UBAP1: variants seen among roughly 807,000 people sequenced by gnomAD.
UBAP1 encodes ubiquitin associated protein 1.
UBAP1 carries 5 observed loss-of-function variants against 39.0 expected under a neutral mutation model. The observed-to-expected ratio is 0.13, with a 90% CI of 0.07 to 0.27. The LOEUF (loss-of-function observed/expected upper bound fraction) is 0.27. Ranked by LOEUF, UBAP1 falls within the 10% of genes least tolerant of loss-of-function variation. The pLI is 1.00. For synonymous variants in UBAP1, 211 were observed against 225.1 expected (o/e 0.94, Z 0.56); for missense variants, 490 against 608.1 (o/e 0.81, Z 2.04).
chr9:34,222,187 G>A (rs1412591311), intron 2 of UBAP1, among the ~76,000 whole-genome samples: 3 of 152,136 alleles, frequency 2.0e-5, no homozygotes, highest in African/African-American at 4.8e-5. Context: ...GCCTGGGGAC[G>A]TGTTGGTATG....
intron 1 of UBAP1, among the ~76,000 whole-genome samples, chr9:34,184,421 G>A (rs916075503): frequency 6.6e-6 from 1 of 151,092 alleles, no homozygotes; most frequent in Non-Finnish European, 1.5e-5. Context: ...CACAAGGTCA[G>A]GAGATCGAGA....
chr9:34,250,730 C>T lies in UBAP1; in HGVS notation c.1339C>T (p.Leu447=). The change falls in exon 6 of 7, where the codon CTG becomes TTG. Residue 447 remains leucine (L), a synonymous_variant. Transcript: ENST00000297661. Reference sequence around the variant, plus strand: ...CGACCCTCTTTTAGTGGAAGAGGCTCTGGAAATGCACCAGTGTTCAGAAGA... The same window carrying T: ...CGACCCTCTTTTAGTGGAAGAGGCTTTGGAAATGCACCAGTGTTCAGAAGA... The part of the protein sequence containing the change: ...GFDPLLVEEA[L]EMHQCSEEKM... 1 of 1,613,670 alleles carries T rather than the reference C, an allele frequency of 6.2e-7. No individual in the cohort carries two copies. The highest frequency in any genetic ancestry group is 8.5e-7 in the Non-Finnish European group (1 of 1,179,654).
chr9:34,210,230 G>A (rs778766229), intron 1 of UBAP1, among the ~76,000 whole-genome samples: 2 of 152,038 alleles, frequency 1.3e-5, no homozygotes, highest in Non-Finnish European at 2.9e-5. Context: ...GATGTGCAGC[G>A]GACAGTAATA....
At chr9:34,220,671 G>A (rs1832710119) in intron 1 of UBAP1, among the ~76,000 whole-genome samples, 1 of 151,808 alleles carries the variant, frequency 6.6e-6, no homozygotes, top group Non-Finnish European at 1.5e-5. Flanking sequence ...GTCTCACTAT[G>A]TTGCTGGTCT....
At chr9:34,242,243 C>T in intron 4 of UBAP1, 135 bp downstream of exon 4, 9 of 947,538 alleles carry the variant, frequency 9.5e-6, no homozygotes, top group African/African-American at 1.6e-5. Context: ...GTGGTGTGAT[C>T]GTACCTTATT....
At chr9:34,220,972 G>T (rs781306642) in intron 2 of UBAP1, 24 bp downstream of exon 2, 43 of 1,604,672 alleles carry the variant, frequency 2.7e-5, no homozygotes, top group Non-Finnish European at 3.6e-5. Flanking sequence ...TAGAATCATG[G>T]TTTAAGTTAT....
chr9:34,208,946 A>G (rs558315164), intron 1 of UBAP1, among the ~76,000 whole-genome samples: 2 of 150,730 alleles, frequency 1.3e-5, no homozygotes, highest in Admixed American at 6.6e-5. Flanking sequence ...TTTTAGTTCT[A>G]TTTTTTGAGG....
Position 34,241,567 on chromosome 9 carries a change from G to A in UBAP1, c.542G>A (p.Arg181Lys). Reference sequence around the variant, plus strand: ...ACTATTGATGAGAAGGAAGAGCTGAGAAATATTCTGGTAGGAACCACTGGA... The same window carrying A: ...ACTATTGATGAGAAGGAAGAGCTGAAAAATATTCTGGTAGGAACCACTGGA... ...LKTIDEKEELRNILVGTTGPI... is the reference protein window; with the variant it reads ...LKTIDEKEELKNILVGTTGPI... Residue 181 changes from arginine to lysine, a missense_variant, in exon 4 of 7, where the codon AGA becomes AAA. This residue lies in a region of UBAP1 where 339 missense variants were observed against 390.0 expected (regional missense o/e 0.87). Coordinates refer to ENST00000297661, the MANE Select transcript of UBAP1 (RefSeq NM_016525.5). The A allele has an allele frequency of 6.2e-7, 1 of 1,614,158 alleles. No individual in the cohort carries two copies. The highest frequency in any genetic ancestry group is 8.5e-7 in the Non-Finnish European group (1 of 1,180,032).
In UBAP1 at chr9:34,218,250, C is replaced by CAAA. The variant is rs758443973; in HGVS notation, c.-7-2616_-7-2614dup. On this transcript the variant is annotated intron_variant, in intron 1 of 6. Coordinates refer to ENST00000297661, the MANE Select transcript of UBAP1 (RefSeq NM_016525.5). ...CTGGTGACAGAGCGAGACTCCATCT[C>CAAA]AAAAAAAAAAAAAAAAAAAAAAAAA... Among the ~76,000 whole-genome samples, 16 of 49,520 alleles carry CAAA rather than the reference C, an allele frequency of 3.2e-4. 1 individual carries two copies. Among genetic ancestry groups the CAAA allele is most frequent in the African/African-American group, 7.5e-4 (8 of 10,620 alleles). The allele number at this position is 49,520 out of a possible 152,430, so 32.5% of individuals were successfully genotyped here.
Position 34,250,712 on chromosome 9 carries a change from C to T in UBAP1, c.1321C>T (p.Leu441Phe), listed in dbSNP as rs568545765. 3 of 1,613,810 alleles carry T rather than the reference C, an allele frequency of 1.9e-6. No individual in the cohort carries two copies. The highest frequency in any genetic ancestry group is 2.2e-5 in the South Asian group (2 of 91,068). ...GQLCEKGFDP[L>F]LVEEALEMHQ... ...GCTTTGTGAGAAGGGCTTCGACCCT[C>T]TTTTAGTGGAAGAGGCTCTGGAAAT... The change falls in exon 6 of 7, where the codon CTT (leucine) becomes TTT (phenylalanine). Residue 441 changes from leucine (L) to phenylalanine (F), a missense_variant. Transcript: ENST00000297661.
At chr9:34,233,516 G>A (rs79170889) in intron 2 of UBAP1, among the ~76,000 whole-genome samples, 1 of 152,102 alleles carries the variant, frequency 6.6e-6, no homozygotes, top group Non-Finnish European at 1.5e-5. Context: ...TTTCTGGGGA[G>A]TCTCATCCAT....
chr9:34,233,225 C>CT (rs59367501), intron 2 of UBAP1, among the ~76,000 whole-genome samples: 55,279 of 141,690 alleles, frequency 0.39, 11,635 homozygotes, highest in East Asian at 0.87. Flanking sequence ...TCTTTCTCTT[C>CT]TTTTTTTTTT....
intron 4 of UBAP1, among the ~76,000 whole-genome samples, chr9:34,248,019 C>T (rs1294311714): frequency 6.6e-6 from 1 of 151,666 alleles, no homozygotes; most frequent in Non-Finnish European, 1.5e-5. Flanking sequence ...GAGAGTACTG[C>T]ATGTATGTTT....
At chr9:34,216,642 ATTTTTTTTTTT>A (rs57204146) in intron 1 of UBAP1, among the ~76,000 whole-genome samples, 18 of 70,208 alleles carry the variant, frequency 2.6e-4, no homozygotes, top group Admixed American at 7.2e-4. Flanking sequence ...CACCATGCTA[ATTTTTTTTTTT>A]TTTTTTTTTT....
intron 2 of UBAP1, among the ~76,000 whole-genome samples, chr9:34,231,790 GC>G (rs1253208841): frequency 6.6e-6 from 1 of 151,798 alleles, no homozygotes; most frequent in Non-Finnish European, 1.5e-5. Flanking sequence ...GACTACAGGC[GC>G]CCCCACTGCG....
At chr9:34,224,079 T>C in intron 2 of UBAP1, 1 of 660,838 alleles carries the variant, frequency 1.5e-6, no homozygotes, top group South Asian at 2.4e-5. Context: ...TGTCCCGGCC[T>C]TGAAGTGATG....
chr9:34,192,515 CAAAAAAAAA>C (rs4008753), intron 1 of UBAP1, among the ~76,000 whole-genome samples: 1 of 107,504 alleles, frequency 9.3e-6, no homozygotes. Flanking sequence ...GACTCCATCT[CAAAAAAAAA>C]AAAAAAAAAA....
At chr9:34,212,539 C>T (rs1832077520) in intron 1 of UBAP1, among the ~76,000 whole-genome samples, 2 of 152,070 alleles carry the variant, frequency 1.3e-5, no homozygotes, top group Admixed American at 1.3e-4. Flanking sequence ...GCCATCACAA[C>T]GTTATCTTCT....
chr9:34,237,123 T>C (rs1041587846), intron 3 of UBAP1, among the ~76,000 whole-genome samples: 7 of 152,216 alleles, frequency 4.6e-5, no homozygotes, highest in Non-Finnish European at 1.0e-4. Context: ...CTCAGTTATA[T>C]AGAAATGTAC....
Sources: gnomAD v4.1 joint callset for allele counts (sites outside exome capture counted in the v4.1 genomes callset) on GRCh38, gnomAD v4.1.1 for gene constraint, gnomAD v4.1.1 regional missense constraint, MANE v1.5 for transcripts, NCBI Gene and HGNC (gene_info 2026-07-23, HGNC 2026-07-21) for gene names.